Variants in BBS9 observed in about 807,000 individuals in gnomAD.
BBS9 encodes the protein Bardet-Biedl syndrome 9, also known as protein PTHB1.
In BBS9, 89 loss-of-function variants were observed where a neutral mutation model predicts 117.7. The observed-to-expected ratio is 0.76, with a 90% CI of 0.64 to 0.90. The LOEUF is 0.90. BBS9 is among the 40% of genes least tolerant of loss of function. The probability of loss-of-function intolerance (pLI) is 0.00; values close to 1 mark genes in which losing one functional copy is unlikely to be tolerated. For missense variants in BBS9, 982 were observed against 1,042.2 expected (o/e 0.94, Z 0.80); for synonymous variants, 379 against 370.9 (o/e 1.02, Z -0.25).
chr7:33,560,162 C>T (rs554556295), intron 21 of BBS9, among the ~76,000 whole-genome samples: 3 of 152,104 alleles, frequency 2.0e-5, no homozygotes, highest in African/African-American at 2.4e-5. Context: ...GTACCCCTAG[C>T]GCTTAACATA....
At chr7:33,396,743 A>T (rs2128778269) in intron 19 of BBS9, among the ~76,000 whole-genome samples, 1 of 152,304 alleles carries the variant, frequency 6.6e-6, no homozygotes, top group South Asian at 2.1e-4. Context: ...ACCCCACCTG[A>T]CTTCAAACTA....
intron 21 of BBS9, among the ~76,000 whole-genome samples, chr7:33,590,466 T>TG (rs60557617): frequency 0.069 from 9,665 of 139,460 alleles, 646 homozygotes; most frequent in African/African-American, 0.17. Context: ...TTTGTTTTTT[T>TG]TTTTTTTTTT....
intron 21 of BBS9, among the ~76,000 whole-genome samples, chr7:33,576,575 C>T (rs982382278): frequency 3.3e-5 from 5 of 152,040 alleles, no homozygotes; most frequent in African/African-American, 4.8e-5. Flanking sequence ...TCATATGGAA[C>T]CAAAAAAGAG....
At chr7:33,205,648 C>T (rs1786768016) in intron 5 of BBS9, among the ~76,000 whole-genome samples, 1 of 152,118 alleles carries the variant, frequency 6.6e-6, no homozygotes, top group African/African-American at 2.4e-5. Context: ...CCTCATGAGG[C>T]ATGAAAGAGG....
At chr7:33,397,390 C>T (rs776936287) in intron 19 of BBS9, among the ~76,000 whole-genome samples, 1 of 152,078 alleles carries the variant, frequency 6.6e-6, no homozygotes, top group Non-Finnish European at 1.5e-5. Context: ...TTTAGTTCAG[C>T]CTTGTGGAAG....
chr7:33,436,918 G>T (rs1417185708), intron 19 of BBS9, among the ~76,000 whole-genome samples: 1 of 152,210 alleles, frequency 6.6e-6, no homozygotes, highest in Non-Finnish European at 1.5e-5. Flanking sequence ...TTAGCCATCT[G>T]AGATAATTTC....
At chr7:33,440,018 A>G (rs1835930150) in intron 19 of BBS9, among the ~76,000 whole-genome samples, 1 of 152,194 alleles carries the variant, frequency 6.6e-6, no homozygotes, top group South Asian at 2.1e-4. Context: ...GAAATTTGAT[A>G]TGAAATAAGG....
intron 2 of BBS9, among the ~76,000 whole-genome samples, chr7:33,152,063 A>G (rs921784174): frequency 2.6e-5 from 4 of 152,018 alleles, no homozygotes; most frequent in Non-Finnish European, 4.4e-5. Flanking sequence ...TGTCCTCTTA[A>G]AGGACACTAA....
Position 33,612,042 on chromosome 7 carries a change from C to T in BBS9, c.2522-23135C>T, listed in dbSNP as rs572257008. ...GTGGCACTGGCTCATGTCATCTCTC[C>T]CTTATCTTCTATTGTGTAGAAATAG... On this transcript the variant is annotated intron_variant, in intron 21 of 21. Transcript: ENST00000671952. Among the ~76,000 whole-genome samples the T allele has an allele frequency of 5.3e-5, 8 of 151,360 alleles. No homozygotes were observed. The East Asian group carries it at 9.8e-4, about 18-fold the overall frequency.
chr7:33,257,503 T>G, intron 6 of BBS9, 93 bp downstream of exon 6: 1 of 1,059,870 alleles, frequency 9.4e-7, no homozygotes, highest in Non-Finnish European at 1.5e-6. Flanking sequence ...ATATCACAAA[T>G]GAAAAAGAGA....
At chr7:33,130,945 T>C (rs567813985) in intron 1 of BBS9, among the ~76,000 whole-genome samples, 40 of 152,342 alleles carry the variant, frequency 2.6e-4, no homozygotes, top group Non-Finnish European at 5.3e-4. Flanking sequence ...AGCAATAGTA[T>C]ATATAGTAAT....
chr7:33,322,674 C>T (rs115949202), intron 9 of BBS9, among the ~76,000 whole-genome samples: 2,086 of 151,846 alleles, frequency 0.014, 54 homozygotes, highest in African/African-American at 0.048. Flanking sequence ...TGTTTATCAT[C>T]TCAAAAAATA....
intron 19 of BBS9, among the ~76,000 whole-genome samples, chr7:33,436,065 G>T (rs916536018): frequency 6.6e-6 from 1 of 152,142 alleles, no homozygotes. Flanking sequence ...GTAAAGTGCC[G>T]TGCAAGTGCA....
At chr7:33,410,851 T>C (rs1830991235) in intron 19 of BBS9, among the ~76,000 whole-genome samples, 1 of 145,786 alleles carries the variant, frequency 6.9e-6, no homozygotes, top group Non-Finnish European at 1.5e-5. Flanking sequence ...TCTTTGTGTT[T>C]CTCTTCTAGA....
At chr7:33,464,887 G>A (rs1415732825) in intron 19 of BBS9, among the ~76,000 whole-genome samples, 1 of 151,952 alleles carries the variant, frequency 6.6e-6, no homozygotes, top group Non-Finnish European at 1.5e-5. Context: ...GTACAGTGGT[G>A]TCATCATGGC....
chr7:33,268,974 TA>T (rs1255616844), intron 7 of BBS9, among the ~76,000 whole-genome samples: 4 of 152,206 alleles, frequency 2.6e-5, no homozygotes, highest in Admixed American at 2.0e-4. Context: ...TTTATATAGG[TA>T]AGCAATACTT....
At chr7:33,431,983 T>G (rs896492325) in intron 19 of BBS9, among the ~76,000 whole-genome samples, 1 of 152,168 alleles carries the variant, frequency 6.6e-6, no homozygotes, top group Non-Finnish European at 1.5e-5. Context: ...TCCCTTATAT[T>G]TGTCCTTTTA....
rs1046696488 is a variant in BBS9, at chr7:33,600,303, T to C, written c.2522-4562T>C. 5.3e-5 allele frequency among the ~76,000 whole-genome samples: 8 copies of C among 152,172 alleles called. No homozygotes were observed. In the South Asian group the frequency reaches 1.0e-3, roughly 20 times the overall value. On this transcript the variant is annotated intron_variant, in intron 21 of 22. Coordinates refer to ENST00000242067, the MANE Select transcript of BBS9 (RefSeq NM_198428.3). ...TAATTCTAAAAGGTGAAAGCTGATG[T>C]CTTATTCATTTAATTTTTCTACTAG...
At chr7:33,632,406 A>G (rs1235110312) in intron 21 of BBS9, among the ~76,000 whole-genome samples, 1 of 152,174 alleles carries the variant, frequency 6.6e-6, no homozygotes, top group Non-Finnish European at 1.5e-5. Flanking sequence ...CTGTTTGTAC[A>G]ATGAGCCACA....
Sources: allele counts gnomAD v4.1 joint callset (sites outside exome capture counted in the v4.1 genomes callset), GRCh38; gene constraint gnomAD v4.1.1; transcripts MANE v1.5; gene names NCBI Gene and HGNC (gene_info 2026-07-23, HGNC 2026-07-21).